The following ZNF185 variants were observed in gnomAD, a reference collection of about 807,000 sequenced individuals.
ZNF185 encodes zinc finger protein 185.
In ZNF185, 56 loss-of-function variants were observed where a neutral mutation model predicts 58.6. The ratio of observed to expected loss-of-function variants is 0.95; its 90% CI spans 0.77 to 1.19. The LOEUF (loss-of-function observed/expected upper bound fraction) is 1.19. Ranked by LOEUF, ZNF185 falls within the 50% of genes most tolerant of loss-of-function variation. ZNF185 has a pLI of 0.00. For synonymous variants in ZNF185, 230 were observed against 215.9 expected, an observed-to-expected ratio of 1.07 and a Z score of -0.57; for missense variants, 627 against 573.5, an observed-to-expected ratio of 1.09 and a Z score of -0.95.
intron 12 of ZNF185, among the ~76,000 whole-genome samples, chrX:152,929,993 C>G (rs1295773574): frequency 2.7e-5 from 3 of 112,637 alleles, no homozygotes; most frequent in African/African-American, 9.7e-5. Context: ...CTTCCCCAGG[C>G]AGCATCTGAG....
intron 7 of ZNF185, among the ~76,000 whole-genome samples, chrX:152,919,741 G>T (rs1031438369): frequency 1.9e-4 from 21 of 112,606 alleles, no homozygotes; most frequent in African/African-American, 6.8e-4. Flanking sequence ...TGGGCCCTGA[G>T]GAAATAAAGC....
intron 17 of ZNF185, among the ~76,000 whole-genome samples, chrX:152,960,609 CTT>C (rs1303781063): frequency 8.9e-6 from 1 of 112,507 alleles, no homozygotes; most frequent in East Asian, 2.8e-4. Flanking sequence ...GCTGTAAGAA[CTT>C]TCCCAATTTT....
chrX:152,910,721 A>C (rs1056381978), upstream of ZNF185, among the ~76,000 whole-genome samples: 9 of 111,942 alleles, frequency 8.0e-5, no homozygotes, highest in Admixed American at 2.8e-4. Flanking sequence ...CTGCGAGGGG[A>C]ATTACTGGAC....
At chrX:152,943,984 G>C (rs2047524216) in intron 15 of ZNF185, among the ~76,000 whole-genome samples, 1 of 113,066 alleles carries the variant, frequency 8.8e-6, no homozygotes, top group Non-Finnish European at 1.9e-5. Flanking sequence ...ACCACTTTTG[G>C]ATCTGCATGG....
chrX:152,912,322 G>A (rs1388248979), upstream of ZNF185, among the ~76,000 whole-genome samples: 1 of 112,393 alleles, frequency 8.9e-6, no homozygotes, highest in Non-Finnish European at 1.9e-5. Context: ...TGCAGGGGAC[G>A]GATGGTGTTC....
chrX:152,913,751 C>T (rs1253206268), upstream of ZNF185, among the ~76,000 whole-genome samples: 2 of 112,415 alleles, frequency 1.8e-5, no homozygotes, highest in Non-Finnish European at 3.8e-5. Flanking sequence ...AGGACCACCG[C>T]GCCTCTCCTA....
upstream of ZNF185, among the ~76,000 whole-genome samples, chrX:152,911,905 C>T (rs1937448661): frequency 1.1e-5 from 1 of 91,650 alleles, no homozygotes; most frequent in Admixed American, 1.2e-4. Context: ...CCATCCCATC[C>T]CATCCATCCC....
chrX:152,939,259 T>G (rs948500698), intron 15 of ZNF185, among the ~76,000 whole-genome samples: 1 of 111,133 alleles, frequency 9.0e-6, no homozygotes, highest in African/African-American at 3.3e-5. Flanking sequence ...GAGGCCTTAT[T>G]GTGTTTCTTT....
chrX:152,899,108 C>T, the ZNF185 span, among the ~76,000 whole-genome samples: 44 of 111,986 alleles, frequency 3.9e-4, no homozygotes, highest in African/African-American at 1.4e-3. Flanking sequence ...GCTGAGCCGT[C>T]GGCACGAAGC....
chrX:152,925,104 G>A (rs782634775), intron 11 of ZNF185, among the ~76,000 whole-genome samples: 1 of 112,236 alleles, frequency 8.9e-6, no homozygotes, highest in East Asian at 2.8e-4. Context: ...ACCAACCTAG[G>A]TAACATAGCA....
At chrX:152,910,822 C>T (rs986455939), upstream of ZNF185, among the ~76,000 whole-genome samples, 1 of 112,284 alleles carries the variant, frequency 8.9e-6, no homozygotes, top group African/African-American at 3.2e-5. Flanking sequence ...CACCAGGAAG[C>T]CACCTCTGGA....
exon 12 of ZNF185, chrX:152,928,608 C>G (rs969649052): frequency 8.3e-7 from 1 of 1,211,901 alleles, no homozygotes; most frequent in Admixed American, 2.2e-5. Flanking sequence ...GCCTGCAGAT[C>G]CTGACACCCA....
rs782251617 is a variant in ZNF185 at position 152,970,709 on chromosome X, G to A, written c.*168G>A. On this transcript the variant is annotated intron_variant, in intron 22 of 22. Transcript: ENST00000449285. ...ATGTCCCTATGCCTTGTGATACTTT[G>A]AGATCTTAGGTGGCATGGACAAAGG... is the stretch of plus-strand genomic sequence containing the variant. Among the ~76,000 whole-genome samples, 16 of 111,137 alleles carry A rather than the reference G, an allele frequency of 1.4e-4. No individual in the cohort carries two copies. The South Asian group carries it at 3.9e-3, about 27-fold the overall frequency.
At chrX:152,934,102 A>G (rs782381133) in intron 14 of ZNF185, among the ~76,000 whole-genome samples, 1 of 112,902 alleles carries the variant, frequency 8.9e-6, no homozygotes, top group South Asian at 3.6e-4. Context: ...GAGGCATTGG[A>G]GGGATCTTTT....
At chrX:152,939,481 G>A (rs369568073) in intron 15 of ZNF185, among the ~76,000 whole-genome samples, 36 of 112,160 alleles carry the variant, frequency 3.2e-4, no homozygotes, top group African/African-American at 1.1e-3. Context: ...AAAATCCTCA[G>A]GAGAAACTAC....
chrX:152,907,047 G>A, the ZNF185 span, among the ~76,000 whole-genome samples: 818 of 111,021 alleles, frequency 7.4e-3, 10 homozygotes, highest in African/African-American at 0.025. Context: ...GGGAGGTGCC[G>A]CCCTCGGGGA....
intron 16 of ZNF185, among the ~76,000 whole-genome samples, chrX:152,954,259 T>C (rs1183366882): frequency 1.8e-5 from 2 of 110,791 alleles, no homozygotes; most frequent in African/African-American, 6.6e-5. Context: ...ACCAGAAATG[T>C]GTTTCCCTGT....
At position 152,914,942 on chromosome X, in the gene ZNF185, C is replaced by G. The variant is rs1005809893; in HGVS notation, c.158+109C>G. The G allele has an allele frequency of 3.8e-6, 4 of 1,056,940 alleles. No individual in the cohort carries two copies. The African/African-American group carries it at 5.6e-5, about 15-fold the overall frequency. 87.1% of individuals were successfully genotyped at this position (1,056,940 alleles called of 1,213,427 possible). A position where few individuals can be genotyped will look rare whatever the true frequency, so the allele number is the denominator to read the frequency against. On this transcript the variant is annotated intron_variant, in intron 2 of 22. Transcript: ENST00000449285. ...GGGCTTCCACCATTCAGAGCTCCGC[C>G]AGGCCATGTGGAGGGCAGAGCGTGG...
At chrX:152,932,626 C>T (rs1335472200) in intron 13 of ZNF185, among the ~76,000 whole-genome samples, 1 of 112,026 alleles carries the variant, frequency 8.9e-6, no homozygotes, top group Admixed American at 9.5e-5. Flanking sequence ...TCAGCTCCCC[C>T]CACCACCAAC....
Sources: allele counts gnomAD v4.1 joint callset (sites outside exome capture counted in the v4.1 genomes callset), GRCh38; gene constraint gnomAD v4.1.1; transcripts MANE v1.5; gene names NCBI Gene and HGNC (gene_info 2026-07-23, HGNC 2026-07-21).